SRPRB: variants seen among roughly 807,000 people sequenced by gnomAD.
SRPRB encodes the protein SRP receptor subunit beta.
In SRPRB, 20 loss-of-function variants were observed where a neutral mutation model predicts 31.9. That is an observed-to-expected ratio of 0.63 (90% CI 0.44 to 0.91). SRPRB has a LOEUF of 0.91. Ranked by LOEUF, SRPRB falls within the 40% of genes least tolerant of loss-of-function variation. The pLI is 0.00. For missense variants in SRPRB, 321 were observed against 324.9 expected (o/e 0.99, Z 0.09); for synonymous variants, 146 against 132.8 (o/e 1.10, Z -0.68).
intron 1 of SRPRB, chr3:133,795,167 T>G (rs1934934589): frequency 6.6e-6 from 1 of 152,224 alleles, no homozygotes; most frequent in Non-Finnish European, 1.5e-5. Context: ...TTGTAGCAAA[T>G]TAATGAAGAG....
At chr3:133,792,217 T>C (rs865940367) in intron 1 of SRPRB, 9 of 152,220 alleles carry the variant, frequency 5.9e-5, no homozygotes, top group African/African-American at 2.2e-4. Context: ...GGAGATTTTA[T>C]ATAAGAAAGG....
At chr3:133,819,094 G>A (rs1392534392) in intron 6 of SRPRB, among the ~76,000 whole-genome samples, 1 of 152,064 alleles carries the variant, frequency 6.6e-6, no homozygotes, top group Admixed American at 6.6e-5. Context: ...TTCTGCCCTA[G>A]TTAGATATGA....
chr3:133,801,332 G>T (rs1935058335), upstream of SRPRB, among the ~76,000 whole-genome samples: 2 of 152,208 alleles, frequency 1.3e-5, no homozygotes, highest in East Asian at 3.8e-4. Context: ...TCCTTCCTCT[G>T]CATTCGTGCC....
chr3:133,803,610 C>T (rs954039047), upstream of SRPRB, among the ~76,000 whole-genome samples: 6 of 152,012 alleles, frequency 3.9e-5, no homozygotes, highest in African/African-American at 1.2e-4. Context: ...AAAAACATCT[C>T]TATCTAGCTA....
intron 1 of SRPRB, 45 bp from the exon 2 acceptor site, chr3:133,806,564 T>C: frequency 6.6e-7 from 1 of 1,517,226 alleles, no homozygotes; most frequent in Non-Finnish European, 9.2e-7. Flanking sequence ...CATATACTGA[T>C]TCCCAAGGCG....
upstream of SRPRB, among the ~76,000 whole-genome samples, chr3:133,802,946 A>G (rs555562413): frequency 6.6e-6 from 1 of 152,088 alleles, no homozygotes; most frequent in Non-Finnish European, 1.5e-5. Flanking sequence ...TGGCTTTCTC[A>G]TCTTCCTAGT....
At chr3:133,801,542 C>T (rs941347983), upstream of SRPRB, among the ~76,000 whole-genome samples, 1 of 152,218 alleles carries the variant, frequency 6.6e-6, no homozygotes, top group Non-Finnish European at 1.5e-5. Context: ...ACCACCACGG[C>T]AGCCCTCTTC....
intron 6 of SRPRB, among the ~76,000 whole-genome samples, chr3:133,817,701 CTG>C (rs1486794203): frequency 9.9e-5 from 15 of 152,260 alleles, no homozygotes; most frequent in African/African-American, 3.4e-4. Context: ...TGAGGAAAAA[CTG>C]TATAAATTCA....
upstream of SRPRB, among the ~76,000 whole-genome samples, chr3:133,804,110 A>AAG (rs1553743428): frequency 4.6e-5 from 7 of 150,606 alleles, no homozygotes; most frequent in Admixed American, 1.3e-4. Flanking sequence ...AAAAAAAAAA[A>AAG]AAAAAAGAAA....
At chr3:133,822,429 G>C (rs1401439511), downstream of SRPRB, among the ~76,000 whole-genome samples, 1 of 152,206 alleles carries the variant, frequency 6.6e-6, no homozygotes, top group Non-Finnish European at 1.5e-5. Context: ...ACCCAGAGGG[G>C]TCTAAGCACT....
At chr3:133,789,029 G>A (rs1224316468) in intron 1 of SRPRB, 4 of 152,294 alleles carry the variant, frequency 2.6e-5, no homozygotes, top group Non-Finnish European at 5.9e-5. Context: ...CCTCTGGAGG[G>A]AAAATATGCA....
At chr3:133,793,134 T>A (rs985222218) in intron 1 of SRPRB, 1 of 152,126 alleles carries the variant, frequency 6.6e-6, no homozygotes, top group Admixed American at 6.5e-5. Context: ...TAATGAAAGA[T>A]CTTTGTTTGC....
At chr3:133,808,976 C>T (rs962599851) in intron 3 of SRPRB, among the ~76,000 whole-genome samples, 11 of 151,248 alleles carry the variant, frequency 7.3e-5, no homozygotes, top group South Asian at 2.1e-4. Context: ...ACTACCAAAC[C>T]GATTGTAATG....
downstream of SRPRB, chr3:133,827,044 CTCT>C (rs1253798090): frequency 6.5e-6 from 1 of 152,686 alleles, no homozygotes; most frequent in African/African-American, 2.4e-5. Context: ...CCTGCTTCCT[CTCT>C]TCTTCACCTG....
chr3:133,801,958 G>A (rs1363218971), upstream of SRPRB, among the ~76,000 whole-genome samples: 2 of 152,164 alleles, frequency 1.3e-5, no homozygotes, highest in Non-Finnish European at 2.9e-5. Context: ...ATCCTACTAT[G>A]TTAAAGCATA....
chr3:133,794,341 C>T (rs1342488014), intron 1 of SRPRB: 1 of 152,168 alleles, frequency 6.6e-6, no homozygotes, highest in Admixed American at 6.5e-5. Context: ...ACAATCAAAG[C>T]TTCAGGTACA....
chr3:133,795,274 T>C (rs893420655), intron 1 of SRPRB: 16 of 152,226 alleles, frequency 1.1e-4, no homozygotes, highest in Non-Finnish European at 2.1e-4. Flanking sequence ...GGAGCATACT[T>C]ACTCTCAACT....
intron 1 of SRPRB, chr3:133,795,097 C>CA (rs1269339119): frequency 2.0e-5 from 3 of 152,184 alleles, no homozygotes; most frequent in South Asian, 2.1e-4. Flanking sequence ...AGAAGAGTAT[C>CA]TGTGCAGCTG....
chr3:133,817,566 T>A (rs1431283034), intron 6 of SRPRB, among the ~76,000 whole-genome samples: 1 of 152,218 alleles, frequency 6.6e-6, no homozygotes, highest in African/African-American at 2.4e-5. Context: ...ATCTAGCATG[T>A]CTTCTGCGTT....
Sources: gnomAD v4.1 joint callset for allele counts (sites outside exome capture counted in the v4.1 genomes callset) on GRCh38, gnomAD v4.1.1 for gene constraint, MANE v1.5 for transcripts, NCBI Gene and HGNC (gene_info 2026-07-23, HGNC 2026-07-21) for gene names.